BORA: variants seen among roughly 807,000 people sequenced by gnomAD.
BORA encodes the protein BORA aurora kinase A activator.
BORA carries 26 observed loss-of-function variants against 55.8 expected under a neutral mutation model. The ratio of observed to expected loss-of-function variants is 0.47; its 90% CI spans 0.34 to 0.65. BORA has a LOEUF of 0.65. Ranked by LOEUF, BORA falls within the 30% of genes least tolerant of loss-of-function variation. BORA has a pLI of 0.01. For synonymous variants in BORA, 201 were observed against 216.9 expected, an observed-to-expected ratio of 0.93 and a Z score of 0.64; for missense variants, 568 against 671.5, an observed-to-expected ratio of 0.85 and a Z score of 1.70.
Position 72,748,162 on chromosome 13 carries a change from T to C in BORA, c.1482+1051T>C, listed in dbSNP as rs577398516. Among the ~76,000 whole-genome samples, 3 of 152,310 alleles carry C rather than the reference T, an allele frequency of 2.0e-5. No homozygotes were observed. In the South Asian group the frequency reaches 6.2e-4, roughly 32 times the overall value. On this transcript the variant is annotated intron_variant, in intron 10 of 11. Coordinates refer to ENST00000390667, the MANE Select transcript of BORA (RefSeq NM_024808.5). ...TGAGACCTTTACATGTTTTACTTTG[T>C]TGAATTTTTACAGCAATCCTGTGAG...
chr13:72,752,091 G>A (rs1012063670), intron 10 of BORA: 3 of 152,148 alleles, frequency 2.0e-5, no homozygotes, highest in African/African-American at 7.2e-5. Context: ...CAAAGTGCAT[G>A]TTAAATGACT....
intron 10 of BORA, among the ~76,000 whole-genome samples, chr13:72,747,972 A>G (rs2033187071): frequency 6.6e-6 from 1 of 152,208 alleles, no homozygotes; most frequent in South Asian, 2.1e-4. Context: ...ACAGATACGT[A>G]TACTTCATAA....
chr13:72,742,745 T>C (rs943682647), intron 5 of BORA, among the ~76,000 whole-genome samples: 1 of 146,968 alleles, frequency 6.8e-6, no homozygotes, highest in Non-Finnish European at 1.5e-5. Context: ...ATGGACTTTT[T>C]AAAATGTGAT....
At position 72,756,169 on chromosome 13, in the gene BORA, A is replaced by G; in HGVS notation, c.*953A>G. On this transcript the variant is annotated 3_prime_UTR_variant, in exon 12 of 12. Coordinates refer to ENST00000390667, the MANE Select transcript of BORA (RefSeq NM_024808.5). ...TCAACTTTTAAAAACTGTCTCATTC[A>G]AAAGGGAATAAAGACCTGTGTTATC... 2.0e-5 allele frequency: 2 copies of G among 99,864 alleles called. No individual in the cohort carries two copies. Among genetic ancestry groups the G allele is most frequent in the Non-Finnish European group, 3.1e-5 (2 of 63,564 alleles). 6.2% of individuals were successfully genotyped at this position (99,864 alleles called of 1,614,324 possible).
Position 72,744,581 on chromosome 13 carries a change from A to C in BORA, c.511+20A>C, listed in dbSNP as rs2033103885. 1 of 1,561,264 alleles carries C rather than the reference A, an allele frequency of 6.4e-7. No homozygotes were observed. Among genetic ancestry groups the C allele is most frequent in the Non-Finnish European group, 8.8e-7 (1 of 1,138,812 alleles). On this transcript the variant is annotated intron_variant, in intron 7 of 11. Transcript: ENST00000390667. The stretch of plus-strand genomic sequence containing the variant: ...TATTAGGTAAATACTGTATTTGTTT[A>C]AACTTTTAATAACTTGAACCAAAGG...
At chr13:72,744,908 A>G (rs2033109723) in intron 7 of BORA, 73 bp from the exon 8 acceptor site, 1 of 1,415,244 alleles carries the variant, frequency 7.1e-7, no homozygotes, top group Admixed American at 1.9e-5. Context: ...TGGCTTCTTA[A>G]AAGTTGAGTA....
chr13:72,732,282 G>C (rs895045260), intron 3 of BORA, among the ~76,000 whole-genome samples: 2 of 152,124 alleles, frequency 1.3e-5, no homozygotes, highest in African/African-American at 4.8e-5. Flanking sequence ...TTGGTAACAT[G>C]ATGACCATTC....
intron 3 of BORA, among the ~76,000 whole-genome samples, chr13:72,733,830 A>C (rs2032865482): frequency 2.0e-5 from 3 of 152,176 alleles, no homozygotes. Context: ...AGCCATGAGC[A>C]AGTCTATATG....
intron 2 of BORA, among the ~76,000 whole-genome samples, chr13:72,729,892 A>G (rs7998170): frequency 0.92 from 139,431 of 152,082 alleles, 64,811 homozygotes; most frequent in Non-Finnish European, 0.99. Flanking sequence ...TATGATTAGT[A>G]CTTAGGACAA....
At chr13:72,730,407 A>T (rs187489396) in intron 2 of BORA, among the ~76,000 whole-genome samples, 10 of 152,338 alleles carry the variant, frequency 6.6e-5, no homozygotes, top group African/African-American at 2.4e-4. Flanking sequence ...TTGCGTTTTT[A>T]GGACTGAATT....
chr13:72,753,816 A>G lies in BORA; in HGVS notation c.1609A>G (p.Met537Val). 1.9e-6 allele frequency: 3 copies of G among 1,612,208 alleles called. No individual in the cohort carries two copies. Among genetic ancestry groups the G allele is most frequent in the Non-Finnish European group, 2.5e-6 (3 of 1,178,682 alleles). The change falls in exon 11 of 12, where the codon ATG (methionine) becomes GTG (valine). Residue 537 changes from methionine to valine, a missense_variant. Transcript: ENST00000390667. ...EVESKSQAFN[M>V]KQDHTTQRCW... ...TGAGAGTAAATCTCAAGCATTTAAT[A>G]TGAAGGTACGGAGAAAATATAGTGA...
chr13:72,735,620 G>A lies in BORA; in HGVS notation c.306+615G>A, dbSNP rs1022620957. Among the ~76,000 whole-genome samples the A allele has an allele frequency of 2.0e-5, 3 of 151,628 alleles. No homozygotes were observed. The East Asian group carries it at 5.8e-4, about 29-fold the overall frequency. ...AAGGTTATTATTATTATTATTTTTT[G>A]TTTTTTGAGACGGCGTTTCGTTCTT... On this transcript the variant is annotated intron_variant, in intron 4 of 11. Transcript: ENST00000390667.
At chr13:72,752,090 T>C (rs2033291603) in intron 10 of BORA, 2 of 152,192 alleles carry the variant, frequency 1.3e-5, no homozygotes, top group African/African-American at 4.8e-5. Context: ...ACAAAGTGCA[T>C]GTTAAATGAC....
chr13:72,754,560 T>C (rs182244615), intron 11 of BORA: 1 of 152,300 alleles, frequency 6.6e-6, no homozygotes, highest in East Asian at 1.9e-4. Flanking sequence ...TAGTTTTCCT[T>C]TCTGTTGTAT....
At chr13:72,743,708 C>CA (rs2033083226) in intron 6 of BORA, 106 bp downstream of exon 6, 1 of 785,142 alleles carries the variant, frequency 1.3e-6, no homozygotes, top group South Asian at 2.7e-5. Context: ...GAAATTGTTT[C>CA]CTTTTTTTTT....
chr13:72,755,163 A>G lies in BORA; in HGVS notation c.1627A>G (p.Thr543Ala), dbSNP rs1458211700. The G allele has an allele frequency of 1.2e-6, 2 of 1,613,792 alleles. No individual in the cohort carries two copies. The highest frequency in any genetic ancestry group is 1.3e-5 in the African/African-American group (1 of 74,932). ...TTCTTTTTCACAGCAAGACCACACA[A>G]CACAGAGGTGTTGGATGAAAACAGC... Reference protein sequence around the residue: ...QAFNMKQDHTTQRCWMKTASP... With the variant: ...QAFNMKQDHTAQRCWMKTASP... The change falls in exon 12 of 12, where the codon ACA becomes GCA. Residue 543 changes from threonine (T) to alanine (A), a missense_variant. Coordinates refer to ENST00000390667, the MANE Select transcript of BORA (RefSeq NM_024808.5).
Position 72,731,480 on chromosome 13 carries a change from G to A in BORA, c.260+93G>A, listed in dbSNP as rs190755280. 1.6e-3 allele frequency: 1,512 copies of A among 920,870 alleles called. 10 individuals are homozygous for A. The highest frequency in any genetic ancestry group is 6.6e-4 in the Non-Finnish European group (397 of 604,254). The allele number at this position is 920,870 out of a possible 1,614,324, so 57.0% of individuals were successfully genotyped here. ...ATGTTGAGTATTTTTCTATGTAAAGGTATCAGGGAGAAAAAATTTTGATGC... is the reference window on the plus strand; with the variant it reads ...ATGTTGAGTATTTTTCTATGTAAAGATATCAGGGAGAAAAAATTTTGATGC... On this transcript the variant is annotated intron_variant, in intron 3 of 11. Coordinates refer to ENST00000390667, the MANE Select transcript of BORA (RefSeq NM_024808.5).
chr13:72,731,218 G>T, intron 2 of BORA, 63 bp from the exon 3 acceptor site: 1 of 925,528 alleles, frequency 1.1e-6, no homozygotes, highest in Non-Finnish European at 1.7e-6. Flanking sequence ...TCTCACATAG[G>T]TTAGCATTTT....
Position 72,731,278 on chromosome 13 carries a change from A to C in BORA, c.154-3A>C. On this transcript the variant is annotated splice_region_variant and splice_polypyrimidine_tract_variant and intron_variant, in intron 2 of 11. Transcript: ENST00000390667. ...ACTCATAAGCTCACTTTCTTTTGTT[A>C]AGACTCCAGGGAAATTTAGATGGTC... 3.8e-6 allele frequency: 6 copies of C among 1,592,644 alleles called. No homozygotes were observed. The highest frequency in any genetic ancestry group is 5.2e-6 in the Non-Finnish European group (6 of 1,164,104).
Sources: allele counts gnomAD v4.1 joint callset (sites outside exome capture counted in the v4.1 genomes callset), GRCh38; gene constraint gnomAD v4.1.1; transcripts MANE v1.5; gene names NCBI Gene and HGNC (gene_info 2026-07-23, HGNC 2026-07-21).